COL27A1: variants seen among roughly 807,000 people sequenced by gnomAD.
COL27A1 encodes the protein collagen type XXVII alpha 1 chain.
COL27A1 carries 106 observed loss-of-function variants against 251.3 expected under a neutral mutation model. The ratio of observed to expected loss-of-function variants is 0.42; its 90% CI spans 0.36 to 0.50. The LOEUF (loss-of-function observed/expected upper bound fraction) is 0.50, where lower values mean the gene tolerates loss of function less well. Among genes scored for constraint, COL27A1 ranks in the 20% least tolerant of loss-of-function variants. The pLI, the probability that COL27A1 is intolerant of heterozygous loss-of-function variation, is 0.00. For synonymous variants in COL27A1, 1,000 were observed against 986.3 expected (o/e 1.01, Z -0.26); for missense variants, 2,325 against 2,522.8 (o/e 0.92, Z 1.68).
Position 114,312,470 on chromosome 9 carries a change from C to T in COL27A1, c.*1775C>T, listed in dbSNP as rs1203046357. The stretch of plus-strand genomic sequence containing the variant: ...CAATGGGTTCCGTTTCTCCTTTTCC[C>T]CTCTGGATTTTAAATAAATATTTAA... On this transcript the variant is annotated 3_prime_UTR_variant, in exon 61 of 61. Transcript: ENST00000356083. The T allele has an allele frequency of 6.6e-6, 1 of 152,152 alleles. No individual in the cohort carries two copies. Among genetic ancestry groups the T allele is most frequent in the African/African-American group, 2.4e-5 (1 of 41,416 alleles). 9.4% of individuals were successfully genotyped at this position (152,152 alleles called of 1,614,324 possible).
At position 114,283,699 on chromosome 9, in the gene COL27A1, C is replaced by G; in HGVS notation, c.3880-10C>G. The G allele has an allele frequency of 1.2e-6, 2 of 1,613,934 alleles. No homozygotes were observed. ...CACTCCATACCAACGAGGGTCTCCT[C>G]CTCTTGTAGGGTGCTCCGGGACGCA... On this transcript the variant is annotated splice_polypyrimidine_tract_variant and intron_variant, in intron 39 of 60. Transcript: ENST00000356083.
chr9:114,188,354 C>T (rs1362792739), intron 5 of COL27A1, among the ~76,000 whole-genome samples: 1 of 152,168 alleles, frequency 6.6e-6, no homozygotes, highest in African/African-American at 2.4e-5. Flanking sequence ...AGCTAGTCCT[C>T]AATTTGGTCC....
At chr9:114,173,961 G>A (rs1349816699) in intron 3 of COL27A1, among the ~76,000 whole-genome samples, 1 of 138,336 alleles carries the variant, frequency 7.2e-6, no homozygotes, top group Non-Finnish European at 1.5e-5. Flanking sequence ...GACAGCGGGG[G>A]TTTGGGGGAG....
chr9:114,280,623 C>T (rs532604122), intron 37 of COL27A1, among the ~76,000 whole-genome samples: 6 of 152,214 alleles, frequency 3.9e-5, no homozygotes, highest in Non-Finnish European at 4.4e-5. Context: ...GGGCTAGTCC[C>T]ATACTAGAGG....
At chr9:114,157,466 C>A (rs550216346) in intron 1 of COL27A1, among the ~76,000 whole-genome samples, 1 of 152,374 alleles carries the variant, frequency 6.6e-6, no homozygotes, top group Non-Finnish European at 1.5e-5. Context: ...CCTTCTGTTT[C>A]CTCCCTGTAC....
At chr9:114,294,389 A>C (rs1208923690) in intron 49 of COL27A1, among the ~76,000 whole-genome samples, 1 of 152,216 alleles carries the variant, frequency 6.6e-6, no homozygotes, top group Non-Finnish European at 1.5e-5. Flanking sequence ...ATATTACAAG[A>C]AAAGGAAACA....
rs765917131 is a variant in COL27A1, at chr9:114,168,398, A to G, written c.843A>G (p.Ser281=). 6.2e-7 allele frequency: 1 copy of G among 1,613,508 alleles called. No individual in the cohort carries two copies. Among genetic ancestry groups the G allele is most frequent in the Non-Finnish European group, 8.5e-7 (1 of 1,179,992 alleles). ...CCACTGCCACACCAGCCCTGGGGTC[A>G]CTGCCAGCAGGCAGGGGACCCAGGG... The part of the protein sequence containing the change: ...NLTTATPALG[S]LPAGRGPRGT... Residue 281 remains serine, a synonymous_variant, in exon 3 of 61, where the codon TCA becomes TCG. Coordinates refer to ENST00000356083, the MANE Select transcript of COL27A1 (RefSeq NM_032888.4).
chr9:114,154,156 T>C (rs1847987291), upstream of COL27A1, among the ~76,000 whole-genome samples: 1 of 151,960 alleles, frequency 6.6e-6, no homozygotes, highest in African/African-American at 2.4e-5. This position sits in a 1 kb window ranked among gnomAD's most constrained non-coding sequence, Gnocchi z 5.8. Context: ...GACGCAGAGC[T>C]GCCGAAGTTC....
At chr9:114,197,545 C>T (rs1418712689) in intron 7 of COL27A1, among the ~76,000 whole-genome samples, 1 of 152,298 alleles carries the variant, frequency 6.6e-6, no homozygotes, top group East Asian at 1.9e-4. Flanking sequence ...CATAAAGCAG[C>T]CTCGGGTGGT....
At chr9:114,179,727 A>G (rs1049572439) in intron 4 of COL27A1, among the ~76,000 whole-genome samples, 1 of 151,312 alleles carries the variant, frequency 6.6e-6, no homozygotes, top group South Asian at 2.1e-4. Flanking sequence ...TTTACAGATG[A>G]GGAAACTGAG....
At chr9:114,300,483 C>T (rs758136806) in intron 50 of COL27A1, 142 bp from the exon 51 acceptor site, 2 of 607,200 alleles carry the variant, frequency 3.3e-6, no homozygotes, top group Non-Finnish European at 5.7e-6. Context: ...GTAGGTGTTT[C>T]TTACTCCTTC....
intron 3 of COL27A1, 135 bp downstream of exon 3, chr9:114,169,598 C>T (rs547034084): frequency 3.2e-6 from 2 of 629,768 alleles, no homozygotes; most frequent in Admixed American, 6.6e-5. Flanking sequence ...ACATCCTTGG[C>T]TCCAGCCAGG....
intron 13 of COL27A1, 90 bp from the exon 14 acceptor site, chr9:114,222,133 C>T: frequency 8.7e-7 from 1 of 1,155,272 alleles, no homozygotes; most frequent in Non-Finnish European, 1.3e-6. Context: ...TGAAAGACCC[C>T]ACCAGGTGCC....
chr9:114,216,644 A>G (rs1298291461), intron 12 of COL27A1, among the ~76,000 whole-genome samples: 3 of 152,184 alleles, frequency 2.0e-5, no homozygotes, highest in African/African-American at 4.8e-5. Flanking sequence ...TCCTTAGACC[A>G]TCTGTGATTG....
chr9:114,154,169 G>A (rs748722108), upstream of COL27A1, among the ~76,000 whole-genome samples: 2 of 152,030 alleles, frequency 1.3e-5, no homozygotes, highest in Non-Finnish European at 2.9e-5. This position sits in a 1 kb window ranked among gnomAD's most constrained non-coding sequence, Gnocchi z 5.8. Context: ...CGAAGTTCGA[G>A]CGCAGGCGGA....
At chr9:114,177,647 T>G (rs1588593875) in intron 3 of COL27A1, among the ~76,000 whole-genome samples, 1 of 152,202 alleles carries the variant, frequency 6.6e-6, no homozygotes, top group East Asian at 1.9e-4. Context: ...TCCGTTTGTA[T>G]GGGCACAAGC....
At chr9:114,207,206 T>G (rs1277614696) in intron 10 of COL27A1, among the ~76,000 whole-genome samples, 1 of 152,192 alleles carries the variant, frequency 6.6e-6, no homozygotes, top group African/African-American at 2.4e-5. Flanking sequence ...CAAAGCTATT[T>G]ATATTTTGGC....
chr9:114,184,107 C>T (rs910810909), intron 5 of COL27A1, among the ~76,000 whole-genome samples: 1 of 66,356 alleles, frequency 1.5e-5, no homozygotes, highest in East Asian at 6.5e-4. Flanking sequence ...GTGCCTGTGC[C>T]GAAGGAGCTG....
intron 4 of COL27A1, among the ~76,000 whole-genome samples, chr9:114,179,084 G>A (rs1247073954): frequency 6.6e-6 from 1 of 152,190 alleles, no homozygotes; most frequent in Non-Finnish European, 1.5e-5. Flanking sequence ...AGAGGGCTGA[G>A]ACCAACAGCA....
Sources: allele counts gnomAD v4.1 joint callset (sites outside exome capture counted in the v4.1 genomes callset), GRCh38; gene constraint gnomAD v4.1.1; non-coding constraint Gnocchi (gnomAD v3.1); transcripts MANE v1.5; gene names NCBI Gene and HGNC (gene_info 2026-07-23, HGNC 2026-07-21).